SRGAP3: variants seen among roughly 807,000 people sequenced by gnomAD.
The protein encoded by SRGAP3 is SLIT-ROBO Rho GTPase-activating protein 3.
A neutral mutation model predicts 121.1 loss-of-function variants in SRGAP3; 39 were observed. The observed-to-expected ratio is 0.32, with a 90% confidence interval of 0.25 to 0.42. The LOEUF (loss-of-function observed/expected upper bound fraction) is 0.42. SRGAP3 is among the 10% of genes least tolerant of loss of function. The probability of loss-of-function intolerance (pLI) is 1.00; values close to 1 mark genes in which losing one functional copy is unlikely to be tolerated. For synonymous variants in SRGAP3, 601 were observed against 570.0 expected (o/e 1.05, Z -0.77); for missense variants, 1,213 against 1,470.6 (o/e 0.82, Z 2.86).
At chr3:9,121,412 T>C (rs1948999478) in intron 2 of SRGAP3, among the ~76,000 whole-genome samples, 1 of 152,136 alleles carries the variant, frequency 6.6e-6, no homozygotes. Context: ...CTCCAAGGAA[T>C]AGGCAGCCCG....
chr3:9,040,394 C>T (rs1036705012), intron 10 of SRGAP3, among the ~76,000 whole-genome samples: 8 of 152,184 alleles, frequency 5.3e-5, no homozygotes, highest in Non-Finnish European at 1.0e-4. Flanking sequence ...ATGCAGAGGC[C>T]TCTGTGTGGT....
intron 3 of SRGAP3, among the ~76,000 whole-genome samples, chr3:9,096,880 T>C (rs1043583022): frequency 7.0e-6 from 1 of 142,674 alleles, no homozygotes; most frequent in Non-Finnish European, 1.5e-5. Context: ...AGCTAATATA[T>C]AATATATTAT....
chr3:9,283,744 G>A lies in SRGAP3; in HGVS notation n.442+42266C>T, dbSNP rs1954721353. Among the ~76,000 whole-genome samples, 2 of 152,056 alleles carry A rather than the reference G, an allele frequency of 1.3e-5. 1 individual carries two copies. The highest frequency in any genetic ancestry group is 4.1e-4 in the South Asian group (2 of 4,820). On this transcript the variant is annotated intron_variant and non_coding_transcript_variant, in intron 3 of 3. Transcript: ENST00000490889. ...CATGACTCTTATACTGACACAAAATGAACACATGTTAAAGTTTTTTAAAAC... is the reference window on the plus strand; with the variant it reads ...CATGACTCTTATACTGACACAAAATAAACACATGTTAAAGTTTTTTAAAAC...
intron 4 of SRGAP3, 33 bp downstream of exon 4, chr3:9,079,992 C>A (rs774664994): frequency 6.2e-7 from 1 of 1,613,390 alleles, no homozygotes; most frequent in Non-Finnish European, 8.5e-7. Context: ...GAGACCCAAT[C>A]CCAAAACAGC....
intron 3 of SRGAP3, among the ~76,000 whole-genome samples, chr3:9,268,584 G>GCACCAGC (rs1245196174): frequency 6.6e-6 from 1 of 151,984 alleles, no homozygotes; most frequent in Non-Finnish European, 1.5e-5. Context: ...TCAGCACCAG[G>GCACCAGC]CACCAGCCAA....
At chr3:9,039,144 T>G (rs955566448) in intron 10 of SRGAP3, among the ~76,000 whole-genome samples, 1 of 152,200 alleles carries the variant, frequency 6.6e-6, no homozygotes, top group African/African-American at 2.4e-5. Context: ...TTCTCTGTCC[T>G]TATCGTACCT....
chr3:9,279,390 C>T (rs1439625097), intron 3 of SRGAP3, among the ~76,000 whole-genome samples: 1 of 152,036 alleles, frequency 6.6e-6, no homozygotes, highest in Non-Finnish European at 1.5e-5. Flanking sequence ...TCCAAGTGAA[C>T]ATGAGCCCTG....
chr3:9,123,732 ATGTG>A lies in SRGAP3; in HGVS notation c.260+989_260+992del, dbSNP rs532602901. 2.2e-5 allele frequency among the ~76,000 whole-genome samples: 3 copies of A among 139,116 alleles called. No individual in the cohort carries two copies. The South Asian group carries it at 7.0e-4, about 32-fold the overall frequency. The allele number at this position is 139,116 out of a possible 152,430, so 91.3% of individuals were successfully genotyped here. A position where few individuals can be genotyped will look rare whatever the true frequency, so the allele number is the denominator to read the frequency against. ...AATATATATATATATATATGTATATATGTGTGTGTGTGTGTGTGTGTGTATGTGT... is the reference window on the plus strand; with the variant it reads ...AATATATATATATATATATGTATATATGTGTGTGTGTGTGTGTGTATGTGT... On this transcript the variant is annotated intron_variant, in intron 2 of 21. Coordinates refer to ENST00000383836, the MANE Select transcript of SRGAP3 (RefSeq NM_014850.4).
intron 3 of SRGAP3, among the ~76,000 whole-genome samples, chr3:9,097,337 G>C (rs758822290): frequency 3.9e-5 from 6 of 152,194 alleles, no homozygotes; most frequent in Non-Finnish European, 1.5e-5. Flanking sequence ...GTACCAGGTA[G>C]ACATTTCATA....
Position 9,248,993 on chromosome 3 carries a change from T to C in SRGAP3, c.-42A>G, listed in dbSNP as rs766042858. 4 of 1,596,132 alleles carry C rather than the reference T, an allele frequency of 2.5e-6. No homozygotes were observed. Among genetic ancestry groups the C allele is most frequent in the South Asian group, 1.1e-5 (1 of 90,704 alleles). On this transcript the variant is annotated 5_prime_UTR_variant, in exon 1 of 22. Transcript: ENST00000383836. ...AGGAACTGACAGGCTGTTTGATTTA[T>C]TTCTCCTTTTCTTTTCGAGTCCTCT...
At chr3:8,989,474 T>C (rs1941911759) in intron 21 of SRGAP3, among the ~76,000 whole-genome samples, 1 of 152,200 alleles carries the variant, frequency 6.6e-6, no homozygotes, top group African/African-American at 2.4e-5. Context: ...AGAACACAGC[T>C]CATGACTCCC....
intron 1 of SRGAP3, among the ~76,000 whole-genome samples, chr3:9,134,310 A>G (rs1222422269): frequency 6.6e-6 from 1 of 152,126 alleles, no homozygotes; most frequent in African/African-American, 2.4e-5. Context: ...GGCACCACTC[A>G]CAGTCTGCAT....
intron 3 of SRGAP3, among the ~76,000 whole-genome samples, chr3:9,286,104 C>T (rs563014031): frequency 1.5e-5 from 2 of 131,354 alleles, no homozygotes; most frequent in African/African-American, 5.6e-5. Flanking sequence ...AAAGCGAGAC[C>T]CTATCTCAAA....
chr3:8,990,299 A>C (rs1278744810), intron 21 of SRGAP3, among the ~76,000 whole-genome samples: 1 of 152,240 alleles, frequency 6.6e-6, no homozygotes, highest in Admixed American at 6.5e-5. Context: ...GGGGGTGTTC[A>C]GCCTCTATCG....
chr3:9,290,469 A>T (rs1281969463), intron 3 of SRGAP3, among the ~76,000 whole-genome samples: 2 of 152,182 alleles, frequency 1.3e-5, no homozygotes, highest in African/African-American at 4.8e-5. Context: ...GGACTAGGCA[A>T]TGAGGGGCCC....
chr3:9,222,504 A>G (rs1199802595), intron 1 of SRGAP3, among the ~76,000 whole-genome samples: 8 of 152,188 alleles, frequency 5.3e-5, no homozygotes. Context: ...TGTTGCTTAC[A>G]ATTCAAAGTT....
At chr3:9,288,609 T>C (rs1954822129) in intron 3 of SRGAP3, among the ~76,000 whole-genome samples, 1 of 151,358 alleles carries the variant, frequency 6.6e-6, no homozygotes, top group African/African-American at 2.4e-5. Flanking sequence ...AAGTTCTCAC[T>C]CTGTCACCCA....
At chr3:9,276,309 T>C (rs146921828) in intron 3 of SRGAP3, among the ~76,000 whole-genome samples, 6 of 152,254 alleles carry the variant, frequency 3.9e-5, no homozygotes, top group African/African-American at 1.4e-4. Flanking sequence ...TAGTTAGCTT[T>C]TCCTGTTCCT....
intron 1 of SRGAP3, among the ~76,000 whole-genome samples, chr3:9,142,669 T>C (rs1949893435): frequency 6.6e-6 from 1 of 152,116 alleles, no homozygotes; most frequent in African/African-American, 2.4e-5. Flanking sequence ...GGGGCAAGTC[T>C]CTTCACTACT....
Sources: gnomAD v4.1 joint callset for allele counts (sites outside exome capture counted in the v4.1 genomes callset) on GRCh38, gnomAD v4.1.1 for gene constraint, MANE v1.5 for transcripts, NCBI Gene and HGNC (gene_info 2026-07-23, HGNC 2026-07-21) for gene names.